LASP1: variants seen among roughly 807,000 people sequenced by gnomAD.
LASP1 encodes LIM and SH3 protein 1, also known as LIM and SH3 domain protein 1.
In LASP1, 10 loss-of-function variants were observed where a neutral mutation model predicts 38.6. That is an observed-to-expected ratio of 0.26 (90% CI 0.16 to 0.44). The LOEUF is 0.44. LASP1 is among the 20% of genes least tolerant of loss of function. The pLI is 1.00. For synonymous variants in LASP1, 132 were observed against 140.8 expected, an observed-to-expected ratio of 0.94 and a Z score of 0.44; for missense variants, 243 against 375.7, an observed-to-expected ratio of 0.65 and a Z score of 2.92.
At chr17:38,879,553 A>C (rs1913880360) in intron 2 of LASP1, among the ~76,000 whole-genome samples, 1 of 147,292 alleles carries the variant, frequency 6.8e-6, no homozygotes, top group African/African-American at 2.5e-5. Flanking sequence ...TTAGGATCTG[A>C]CTTGAGTCCA....
At chr17:38,892,588 A>ACACACACACACACACACC (rs555480021) in intron 3 of LASP1, among the ~76,000 whole-genome samples, 1 of 147,166 alleles carries the variant, frequency 6.8e-6, no homozygotes. Context: ...ACACACACAC[A>ACACACACACACACACACC]CACCCTTCTC....
At chr17:38,882,707 A>G (rs1361152315) in intron 2 of LASP1, among the ~76,000 whole-genome samples, 1 of 152,198 alleles carries the variant, frequency 6.6e-6, no homozygotes, top group Non-Finnish European at 1.5e-5. Flanking sequence ...ATAAACCTGC[A>G]TCGTTGTCTC....
At chr17:38,887,518 T>A (rs1401971213) in intron 2 of LASP1, among the ~76,000 whole-genome samples, 1 of 152,216 alleles carries the variant, frequency 6.6e-6, no homozygotes, top group Non-Finnish European at 1.5e-5. Context: ...CACGTATTCA[T>A]CACAGGCCAC....
chr17:38,892,551 GACACACACACAC>G (rs530593526), intron 3 of LASP1, among the ~76,000 whole-genome samples: 107 of 143,840 alleles, frequency 7.4e-4, no homozygotes, highest in African/African-American at 2.2e-3. Context: ...GGTCTTTGGA[GACACACACACAC>G]ACACACACAC....
rs566264635 is a variant in LASP1 at position 38,918,500 on chromosome 17, T to C, written c.613-105T>C. ...CCTGGTGCTCCATTTCTGAGTTCAC[T>C]GCTCCCCCAGGCTCTGCTCCAGGGT... On this transcript the variant is annotated intron_variant, in intron 6 of 6. Transcript: ENST00000318008. This position sits in a 1 kb window ranked among gnomAD's most constrained non-coding sequence, Gnocchi z 4.4. 2 of 1,148,990 alleles carry C rather than the reference T, an allele frequency of 1.7e-6. No individual in the cohort carries two copies. Among genetic ancestry groups the C allele is most frequent in the African/African-American group, 3.1e-5 (2 of 64,634 alleles). The allele number at this position is 1,148,990 out of a possible 1,614,324, so 71.2% of individuals were successfully genotyped here.
chr17:38,886,859 C>T (rs1411673446), intron 2 of LASP1, among the ~76,000 whole-genome samples: 1 of 152,174 alleles, frequency 6.6e-6, no homozygotes, highest in African/African-American at 2.4e-5. Context: ...ACGTCAGGTG[C>T]ACCTGTCTGG....
At chr17:38,909,088 G>A (rs955008440) in intron 4 of LASP1, among the ~76,000 whole-genome samples, 1 of 152,172 alleles carries the variant, frequency 6.6e-6, no homozygotes, top group African/African-American at 2.4e-5. Flanking sequence ...CTAGGTGCCT[G>A]CCAGGGCCTG....
intron 1 of LASP1, among the ~76,000 whole-genome samples, chr17:38,875,346 C>T (rs892654192): frequency 4.0e-5 from 6 of 151,614 alleles, no homozygotes; most frequent in African/African-American, 1.2e-4. Flanking sequence ...CTGGTGGGTT[C>T]TGTGTGTTGG....
chr17:38,913,571 C>T (rs763642477), intron 4 of LASP1, among the ~76,000 whole-genome samples: 3 of 152,216 alleles, frequency 2.0e-5, no homozygotes, highest in Non-Finnish European at 2.9e-5. Flanking sequence ...GGGGCGCTGA[C>T]GAGCTCACAT....
chr17:38,899,306 G>GTAA, intron 4 of LASP1: 1 of 162,218 alleles, frequency 6.2e-6, no homozygotes, highest in Admixed American at 5.7e-5. Context: ...TGCCAGGGAG[G>GTAA]GTTTAGGCAG....
chr17:38,893,022 T>C (rs1598111531), intron 3 of LASP1, among the ~76,000 whole-genome samples: 1 of 152,160 alleles, frequency 6.6e-6, no homozygotes, highest in East Asian at 1.9e-4. Context: ...TGTGCAAGCA[T>C]GCACGCATGT....
In LASP1 at chr17:38,918,501, G is replaced by GAA; in HGVS notation, c.613-104_613-103insAA. On this transcript the variant is annotated intron_variant, in intron 6 of 6. Coordinates refer to ENST00000318008, the MANE Select transcript of LASP1 (RefSeq NM_006148.4). The surrounding 1 kb of genome is among the most constrained non-coding windows in gnomAD (Gnocchi z 4.4). The stretch of plus-strand genomic sequence containing the variant: ...CTGGTGCTCCATTTCTGAGTTCACT[G>GAA]CTCCCCCAGGCTCTGCTCCAGGGTC... The GAA allele has an allele frequency of 8.7e-7, 1 of 1,150,838 alleles. No individual in the cohort carries two copies. The highest frequency in any genetic ancestry group is 1.2e-6 in the Non-Finnish European group (1 of 812,884). The allele number at this position is 1,150,838 out of a possible 1,614,324, so 71.3% of individuals were successfully genotyped here.
At chr17:38,892,071 G>A (rs1914343279) in intron 3 of LASP1, among the ~76,000 whole-genome samples, 1 of 152,176 alleles carries the variant, frequency 6.6e-6, no homozygotes, top group African/African-American at 2.4e-5. Flanking sequence ...CCTGGGTGAT[G>A]GGGTGAGACC....
intron 3 of LASP1, among the ~76,000 whole-genome samples, chr17:38,891,787 T>C (rs942975103): frequency 6.6e-6 from 1 of 152,258 alleles, no homozygotes; most frequent in Non-Finnish European, 1.5e-5. Context: ...TAGTTCCTTA[T>C]GCTGTTGAGA....
At chr17:38,883,739 C>CTTTTTTTTTTTTTTTTT (rs60761350) in intron 2 of LASP1, among the ~76,000 whole-genome samples, 1 of 128,350 alleles carries the variant, frequency 7.8e-6, no homozygotes, top group Non-Finnish European at 1.7e-5. Context: ...CAGGGGCAGG[C>CTTTTTTTTTTTTTTTTT]TTTTTTTTTT....
chr17:38,875,076 TGTGTGTGTGTGTGA>T (rs1331340529), intron 1 of LASP1, among the ~76,000 whole-genome samples: 2 of 148,152 alleles, frequency 1.3e-5, no homozygotes, highest in African/African-American at 5.0e-5. Context: ...TGTGTGTGTG[TGTGTGTGTGTGTGA>T]GAAAGTGGGT....
intron 4 of LASP1, among the ~76,000 whole-genome samples, chr17:38,910,602 C>A (rs981115035): frequency 8.5e-5 from 13 of 152,162 alleles, no homozygotes; most frequent in African/African-American, 3.1e-4. Context: ...TTCAGACTTA[C>A]CTGGAGAGCT....
chr17:38,894,819 C>T (rs1329070097), intron 3 of LASP1, among the ~76,000 whole-genome samples: 1 of 152,060 alleles, frequency 6.6e-6, no homozygotes. Flanking sequence ...CTCATTGCAG[C>T]CTTGACTTCC....
Position 38,914,479 on chromosome 17 carries a change from A to AGTGCAG in LASP1, c.508+7_508+12dup. ...CACATCCCGACCAGTGCCCCGGGTG[A>AGTGCAG]GTGCAGGTCCTGTTGGTGCAGATGA... On this transcript the variant is annotated splice_donor_region_variant and intron_variant, in intron 5 of 6. Transcript: ENST00000318008. The AGTGCAG allele has an allele frequency of 1.9e-6, 3 of 1,595,938 alleles. No individual in the cohort carries two copies. In the South Asian group the frequency reaches 3.4e-5, roughly 18 times the overall value.
Sources: gnomAD v4.1 joint callset for allele counts (sites outside exome capture counted in the v4.1 genomes callset) on GRCh38, gnomAD v4.1.1 for gene constraint, Gnocchi (gnomAD v3.1) non-coding constraint, MANE v1.5 for transcripts, NCBI Gene and HGNC (gene_info 2026-07-23, HGNC 2026-07-21) for gene names.